DLG2: variants seen among roughly 807,000 people sequenced by gnomAD.
The protein encoded by DLG2 is discs large MAGUK scaffold protein 2.
A neutral mutation model predicts 132.5 loss-of-function variants in DLG2; 45 were observed. The ratio of observed to expected loss-of-function variants is 0.34; its 90% CI spans 0.27 to 0.44. The LOEUF is 0.44. Among genes scored for constraint, DLG2 ranks in the 20% least tolerant of loss-of-function variants. The pLI, the probability that DLG2 is intolerant of heterozygous loss-of-function variation, is 1.00. For synonymous variants in DLG2, 424 were observed against 419.6 expected (o/e 1.01, Z -0.13); for missense variants, 1,045 against 1,196.9 (o/e 0.87, Z 1.87).
At chr11:84,414,831 T>C (rs935144342) in intron 7 of DLG2, among the ~76,000 whole-genome samples, 1 of 152,212 alleles carries the variant, frequency 6.6e-6, no homozygotes, top group Non-Finnish European at 1.5e-5. Context: ...TTATTATGCA[T>C]AGCAAATATA....
chr11:84,572,416 C>T (rs2099487576), intron 6 of DLG2, among the ~76,000 whole-genome samples: 1 of 152,104 alleles, frequency 6.6e-6, no homozygotes, highest in Admixed American at 6.6e-5. Flanking sequence ...CTTCTTGGGA[C>T]AGAGACATGT....
chr11:84,799,771 G>A lies in DLG2; in HGVS notation c.358-265040C>T, dbSNP rs533779112. ...AAGGCGTCCAGGAAATATTCAAGAG[G>A]TAGTTATTTCCTGAGTAGCCTTCTC... On this transcript the variant is annotated intron_variant, in intron 6 of 27. Coordinates refer to ENST00000376104, the MANE Select transcript of DLG2 (RefSeq NM_001142699.3). Among the ~76,000 whole-genome samples the A allele has an allele frequency of 1.2e-4, 19 of 152,260 alleles. No individual in the cohort carries two copies. In the Middle Eastern group the frequency reaches 0.01, roughly 82 times the overall value.
chr11:83,897,694 C>T (rs1028528347), intron 15 of DLG2, among the ~76,000 whole-genome samples: 56 of 152,088 alleles, frequency 3.7e-4, no homozygotes, highest in Non-Finnish European at 2.6e-4. Flanking sequence ...CAAGTACTCT[C>T]TAGGACCCAA....
chr11:84,507,743 C>A (rs1178904876), intron 7 of DLG2, among the ~76,000 whole-genome samples: 1 of 152,122 alleles, frequency 6.6e-6, no homozygotes, highest in African/African-American at 2.4e-5. Context: ...AAGCTTTTTG[C>A]ATTTAATTCC....
chr11:84,721,741 A>G (rs1022875456), intron 6 of DLG2, among the ~76,000 whole-genome samples: 7 of 152,198 alleles, frequency 4.6e-5, no homozygotes, highest in Non-Finnish European at 1.0e-4. Flanking sequence ...CCGAGTTTGG[A>G]AACAGATTCT....
chr11:85,200,404 G>A lies in DLG2; in HGVS notation c.187-45753C>T, dbSNP rs78904929. On this transcript the variant is annotated intron_variant, in intron 4 of 27. Transcript: ENST00000376104. The stretch of plus-strand genomic sequence containing the variant: ...CCTTCTCAGTTGAAGTCCCAGCTCA[G>A]TGCTGTTCACGGAAGAATCCAGAAA... Among the ~76,000 whole-genome samples, 965 of 152,118 alleles carry A rather than the reference G, an allele frequency of 6.3e-3. 11 individuals are homozygous for A. The highest frequency in any genetic ancestry group is 0.022 in the African/African-American group (910 of 41,510).
intron 4 of DLG2, among the ~76,000 whole-genome samples, chr11:85,268,212 A>G (rs1474930584): frequency 6.6e-6 from 1 of 152,142 alleles, no homozygotes; most frequent in African/African-American, 2.4e-5. Flanking sequence ...TGCTCAGCGA[A>G]AATCTACCTA....
chr11:83,911,637 A>G lies in DLG2; in HGVS notation c.1496+18691T>C, dbSNP rs570654872. Among the ~76,000 whole-genome samples, 61 of 152,176 alleles carry G rather than the reference A, an allele frequency of 4.0e-4. 1 individual carries two copies. Among genetic ancestry groups the G allele is most frequent in the Admixed American group, 3.0e-3 (46 of 15,264 alleles). ...TGTTGCCTCTGTAATTCTCAACTCC[A>G]TTTCAATGTTAGCCTCATAACATTT... On this transcript the variant is annotated intron_variant, in intron 15 of 27. Coordinates refer to ENST00000376104, the MANE Select transcript of DLG2 (RefSeq NM_001142699.3).
At chr11:84,874,710 G>A (rs954405231) in intron 6 of DLG2, among the ~76,000 whole-genome samples, 1 of 152,052 alleles carries the variant, frequency 6.6e-6, no homozygotes, top group Non-Finnish European at 1.5e-5. Context: ...AGGAAATGGA[G>A]ATTGAAAGAC....
At chr11:84,224,933 C>T (rs2096968611) in intron 8 of DLG2, among the ~76,000 whole-genome samples, 1 of 152,198 alleles carries the variant, frequency 6.6e-6, no homozygotes, top group South Asian at 2.1e-4. Context: ...CCTTTGAAGA[C>T]AATTTCTTGC....
intron 7 of DLG2, among the ~76,000 whole-genome samples, chr11:84,465,919 T>C (rs2154487531): frequency 6.6e-6 from 1 of 151,356 alleles, no homozygotes; most frequent in East Asian, 1.9e-4. Flanking sequence ...CATAAAGCTT[T>C]TGACTCTTCA....
intron 18 of DLG2, among the ~76,000 whole-genome samples, chr11:83,756,936 G>A (rs923273844): frequency 6.6e-6 from 1 of 152,080 alleles, no homozygotes; most frequent in African/African-American, 2.4e-5. Context: ...AGGTATTACA[G>A]ATACATAAAG....
chr11:83,470,079 T>C (rs1222125245), intron 24 of DLG2, among the ~76,000 whole-genome samples: 2 of 152,070 alleles, frequency 1.3e-5, no homozygotes, highest in African/African-American at 2.4e-5. Flanking sequence ...GAAATATGTT[T>C]TTAAAAATGA....
chr11:84,519,765 G>C (rs1243048391), intron 7 of DLG2, among the ~76,000 whole-genome samples: 3 of 152,110 alleles, frequency 2.0e-5, no homozygotes, highest in Non-Finnish European at 4.4e-5. Context: ...CAGAAAAATA[G>C]GAATCATAGT....
chr11:84,238,382 G>T (rs1485584635), intron 8 of DLG2, among the ~76,000 whole-genome samples: 4 of 152,044 alleles, frequency 2.6e-5, no homozygotes. Context: ...GGATGTGGTG[G>T]CACACGCCTG....
At chr11:84,207,836 T>C (rs1361137153) in intron 8 of DLG2, among the ~76,000 whole-genome samples, 1 of 152,090 alleles carries the variant, frequency 6.6e-6, no homozygotes, top group African/African-American at 2.4e-5. Context: ...AAAGTGAAAA[T>C]GTAAGCCACG....
intron 7 of DLG2, among the ~76,000 whole-genome samples, chr11:84,438,718 T>A (rs1227028531): frequency 1.3e-5 from 2 of 152,204 alleles, no homozygotes; most frequent in African/African-American, 4.8e-5. Flanking sequence ...CAATGAGAGA[T>A]AAGGTTTTAG....
intron 8 of DLG2, among the ~76,000 whole-genome samples, chr11:84,185,409 G>C (rs1233756296): frequency 6.6e-6 from 1 of 152,074 alleles, no homozygotes; most frequent in Admixed American, 6.6e-5. Context: ...TGTGATTTTT[G>C]TACATTGATT....
At chr11:84,194,585 C>G (rs1215577470) in intron 8 of DLG2, among the ~76,000 whole-genome samples, 2 of 152,182 alleles carry the variant, frequency 1.3e-5, no homozygotes, top group African/African-American at 4.8e-5. Flanking sequence ...TTACAGAGAG[C>G]TGATTGGTCC....
Sources: gnomAD v4.1 joint callset for allele counts (sites outside exome capture counted in the v4.1 genomes callset) on GRCh38, gnomAD v4.1.1 for gene constraint, MANE v1.5 for transcripts, NCBI Gene and HGNC (gene_info 2026-07-23, HGNC 2026-07-21) for gene names.